Variants in TMEM231 observed in about 807,000 individuals in gnomAD.
TMEM231 encodes transmembrane protein 231.
In TMEM231, 40 loss-of-function variants were observed where a neutral mutation model predicts 38.5. That is an observed-to-expected ratio of 1.04 (90% CI 0.81 to 1.35). The LOEUF (loss-of-function observed/expected upper bound fraction) is 1.35, where lower values mean the gene tolerates loss of function less well. Among genes scored for constraint, TMEM231 ranks in the 40% most tolerant of loss-of-function variants. The pLI is 0.00. For missense variants in TMEM231, 420 were observed against 416.9 expected (o/e 1.01, Z -0.07); for synonymous variants, 199 against 181.7 (o/e 1.10, Z -0.77).
Position 75,541,467 on chromosome 16 carries a change from TCATTAAC to T in TMEM231, c.665-19_665-13del, listed in dbSNP as rs1158352355. 1.3e-6 allele frequency: 2 copies of T among 1,576,944 alleles called. No individual in the cohort carries two copies. Among genetic ancestry groups the T allele is most frequent in the East Asian group, 4.6e-5 (2 of 43,760 alleles). ...CAGGACGGTGGTAACTGCAATGCAA[TCATTAAC>T]CATTAACCACGATGGCTGTTTGACT... is the stretch of plus-strand genomic sequence containing the variant. On this transcript the variant is annotated splice_polypyrimidine_tract_variant and intron_variant, in intron 5 of 6. Transcript: ENST00000258173.
In TMEM231 at chr16:75,539,910, G is replaced by A. The variant is rs549226245; in HGVS notation, c.*84C>T. On this transcript the variant is annotated 3_prime_UTR_variant, in exon 7 of 7. Transcript: ENST00000258173. ...CACACAAGCCCGCAGGTGTCCGCTG[G>A]GCTCTTTCAAAAGGTCCTAAGATGT... 4 of 1,246,954 alleles carry A rather than the reference G, an allele frequency of 3.2e-6. No individual in the cohort carries two copies. Among genetic ancestry groups the A allele is most frequent in the East Asian group, 2.5e-5 (1 of 40,632 alleles). The allele number at this position is 1,246,954 out of a possible 1,614,324, so 77.2% of individuals were successfully genotyped here.
At position 75,542,647 on chromosome 16, in the gene TMEM231, C is replaced by G. The variant is rs192462687; in HGVS notation, c.619G>C (p.Asp207His). The G allele has an allele frequency of 3.7e-6, 6 of 1,613,910 alleles. No individual in the cohort carries two copies. The Admixed American group carries it at 6.7e-5, about 18-fold the overall frequency. Residue 207 changes from aspartate (D) to histidine (H), a missense_variant, in exon 5 of 7, where the codon GAC becomes CAC. Transcript: ENST00000258173. ...GCAACAATATGGGTGAGGTCGTAGTCATAGGCAAAGGGGCTGGTCCCGTTG... is the reference window on the plus strand; with the variant it reads ...GCAACAATATGGGTGAGGTCGTAGTGATAGGCAAAGGGGCTGGTCCCGTTG... ...VINGTSPFAY[D>H]YDLTHIVAAY...
At chr16:75,542,719 G>C in intron 4 of TMEM231, 36 bp from the exon 5 acceptor site, 3 of 1,591,168 alleles carry the variant, frequency 1.9e-6, no homozygotes, top group Non-Finnish European at 2.6e-6. Flanking sequence ...GTGAGCACCT[G>C]GGAGACTCCT....
chr16:75,541,545 C>T, intron 5 of TMEM231, 90 bp from the exon 6 acceptor site: 1 of 736,076 alleles, frequency 1.4e-6, no homozygotes, highest in African/African-American at 1.8e-5. Flanking sequence ...TGGAAATTAT[C>T]CTGTGCTTCA....
intron 2 of TMEM231, among the ~76,000 whole-genome samples, chr16:75,551,351 C>A (rs1320776984): frequency 6.6e-6 from 1 of 152,204 alleles, no homozygotes; most frequent in African/African-American, 2.4e-5. Context: ...GCATTCACCA[C>A]TACCCCTGGC....
Position 75,556,195 on chromosome 16 carries a change from C to A in TMEM231, c.15G>T (p.Glu5Asp), listed in dbSNP as rs754078071. Residue 5 changes from glutamate (E) to aspartate (D), a missense_variant, in exon 1 of 7, where the codon GAG (glutamate) becomes GAT (aspartate). Physicochemically the swap from Glu to Asp is conservative, Grantham distance 45 (BLOSUM62 2). Coordinates refer to ENST00000258173, the MANE Select transcript of TMEM231 (RefSeq NM_001077418.3). ...TGCGCTCGACCGGGTGAGAGAAGAG[C>A]TCATAGAGCGCCATGAGCACCGCTC... MALY[E>D]LFSHPVERSY... The A allele has an allele frequency of 6.8e-7, 1 of 1,479,890 alleles. No homozygotes were observed. The highest frequency in any genetic ancestry group is 8.9e-7 in the Non-Finnish European group (1 of 1,121,916). The allele number at this position is 1,479,890 out of a possible 1,614,324, so 91.7% of individuals were successfully genotyped here.
At chr16:75,553,392 G>C (rs899131101) in intron 2 of TMEM231, among the ~76,000 whole-genome samples, 7 of 152,106 alleles carry the variant, frequency 4.6e-5, no homozygotes, top group African/African-American at 1.7e-4. Context: ...GCTGAGGTGA[G>C]TGTATTACCA....
Position 75,540,077 on chromosome 16 carries a change from A to G in TMEM231, c.868T>C (p.Phe290Leu), listed in dbSNP as rs2080603770. Residue 290 changes from phenylalanine to leucine, a missense_variant, in exon 7 of 7, where the codon TTC (phenylalanine) becomes CTC (leucine). Transcript: ENST00000258173. Reference protein sequence around the residue: ...FLWVFERIKIFVFQNQVVTTI... With the variant: ...FLWVFERIKILVFQNQVVTTI... ...GTCACCACCTGATTCTGAAACACGAAGATCTTGATTCTTTCAAACACCCAG... is the reference window on the plus strand; with the variant it reads ...GTCACCACCTGATTCTGAAACACGAGGATCTTGATTCTTTCAAACACCCAG... 2 of 1,613,858 alleles carry G rather than the reference A, an allele frequency of 1.2e-6. No individual in the cohort carries two copies. The highest frequency in any genetic ancestry group is 2.2e-5 in the South Asian group (2 of 91,062).
chr16:75,555,761 C>T (rs951905844), intron 2 of TMEM231, 43 bp downstream of exon 2: 4 of 1,465,394 alleles, frequency 2.7e-6, no homozygotes, highest in Non-Finnish European at 3.6e-6. Context: ...CCATCCCCAC[C>T]CTATCCCCGA....
chr16:75,553,654 C>G (rs1288707554), intron 2 of TMEM231, among the ~76,000 whole-genome samples: 2 of 149,830 alleles, frequency 1.3e-5, no homozygotes, highest in African/African-American at 4.9e-5. Context: ...AGAAGAAAAG[C>G]TAGGGCAAAT....
intron 2 of TMEM231, 138 bp downstream of exon 2, chr16:75,555,666 C>A: frequency 1.2e-6 from 1 of 858,256 alleles, no homozygotes. Flanking sequence ...GATGAAACGC[C>A]ACCTTTGCGG....
intron 4 of TMEM231, 113 bp downstream of exon 4, chr16:75,545,239 T>G: frequency 7.0e-7 from 1 of 1,430,768 alleles, no homozygotes; most frequent in South Asian, 1.4e-5. Context: ...GGATTACAGG[T>G]ATGAGCCACT....
rs2035636245 is a variant in TMEM231 at position 75,540,128 on chromosome 16, A to G, written c.817T>C (p.Tyr273His). Residue 273 changes from tyrosine (Y) to histidine (H), a missense_variant, in exon 7 of 7, where the codon TAT becomes CAT. Tyr to His is a moderately conservative substitution (Grantham distance 83). Coordinates refer to ENST00000258173, the MANE Select transcript of TMEM231 (RefSeq NM_001077418.3). The stretch of plus-strand genomic sequence containing the variant: ...AGGAAGATAAGCAGGATGCTGACAT[A>G]CTGCACCCAGGCGAACTTTACCATC... ...WEMVKFAWVQ[Y>H]VSILLIFLWV... The G allele has an allele frequency of 6.2e-7, 1 of 1,613,754 alleles. No individual in the cohort carries two copies. Among genetic ancestry groups the G allele is most frequent in the South Asian group, 1.1e-5 (1 of 91,034 alleles).
intron 2 of TMEM231, among the ~76,000 whole-genome samples, chr16:75,554,545 C>CAAAAAAAAAAAAA (rs1185694717): frequency 1.1e-5 from 1 of 94,112 alleles, no homozygotes. Context: ...GACTGTGTCT[C>CAAAAAAAAAAAAA]AAAAAAAAAA....
At chr16:75,544,336 G>C (rs772512559) in intron 4 of TMEM231, among the ~76,000 whole-genome samples, 196 of 152,210 alleles carry the variant, frequency 1.3e-3, no homozygotes, top group Non-Finnish European at 2.0e-3. Context: ...AGAAGGACTG[G>C]GCTTGGGGAT....
At chr16:75,540,570 G>A (rs2080612507) in intron 6 of TMEM231, among the ~76,000 whole-genome samples, 1 of 152,200 alleles carries the variant, frequency 6.6e-6, no homozygotes, top group African/African-American at 2.4e-5. Flanking sequence ...CTCTGGAATT[G>A]TAATTCCTAA....
chr16:75,544,520 G>C (rs926677192), intron 4 of TMEM231, among the ~76,000 whole-genome samples: 1 of 152,192 alleles, frequency 6.6e-6, no homozygotes, highest in African/African-American at 2.4e-5. Flanking sequence ...CAAGTGGCTG[G>C]AGTGCGGGGA....
At chr16:75,543,998 T>C (rs947167365) in intron 4 of TMEM231, among the ~76,000 whole-genome samples, 2 of 152,260 alleles carry the variant, frequency 1.3e-5, no homozygotes, top group South Asian at 2.1e-4. Context: ...AAGTGAGGAA[T>C]GAGTGATTAG....
At position 75,537,241 on chromosome 16, in the gene TMEM231, T is replaced by G. The variant is rs1366915054; in HGVS notation, c.*2753A>C. 6.6e-6 allele frequency: 1 copy of G among 151,364 alleles called. No homozygotes were observed. The highest frequency in any genetic ancestry group is 1.9e-4 in the East Asian group (1 of 5,160). The allele number at this position is 151,364 out of a possible 1,614,324, so 9.4% of individuals were successfully genotyped here. A position where few individuals can be genotyped will look rare whatever the true frequency, so the allele number is the denominator to read the frequency against. ...AAACCCCCAGGTTGTACAATTTAGC[T>G]ATATACGAAACCCATACATATACCC... On this transcript the variant is annotated 3_prime_UTR_variant, in exon 7 of 7. Coordinates refer to ENST00000258173, the MANE Select transcript of TMEM231 (RefSeq NM_001077418.3).
Sources: allele counts gnomAD v4.1 joint callset (sites outside exome capture counted in the v4.1 genomes callset), GRCh38; gene constraint gnomAD v4.1.1; transcripts MANE v1.5; gene names NCBI Gene and HGNC (gene_info 2026-07-23, HGNC 2026-07-21).